Variants in ZNF276 observed in about 807,000 individuals in gnomAD.
The protein encoded by ZNF276 is zinc finger protein 276.
A neutral mutation model predicts 63.9 loss-of-function variants in ZNF276; 59 were observed. The observed-to-expected ratio is 0.92, with a 90% CI of 0.75 to 1.15. The LOEUF is 1.15. ZNF276 is among the 50% of genes most tolerant of loss of function. ZNF276 has a pLI of 0.00. For missense variants in ZNF276, 1,084 were observed against 843.8 expected (o/e 1.28, Z -3.53); for synonymous variants, 496 against 348.4 (o/e 1.42, Z -4.72).
At position 89,738,696 on chromosome 16, in the gene ZNF276, G is replaced by T; in HGVS notation, c.*450G>T. ...CTCACCTCTGGGTCGCAGTCCCCAC[G>T]ATCAGCCAGCAGCTGTGAGAGAGGA... On this transcript the variant is annotated 3_prime_UTR_variant, in exon 11 of 11. Coordinates refer to ENST00000443381, the MANE Select transcript of ZNF276 (RefSeq NM_001113525.2). The T allele has an allele frequency of 1.2e-6, 2 of 1,613,884 alleles. No homozygotes were observed. The highest frequency in any genetic ancestry group is 2.2e-5 in the East Asian group (1 of 44,878).
intron 9 of ZNF276, chr16:89,737,473 A>T: frequency 3.0e-6 from 1 of 328,226 alleles, no homozygotes; most frequent in South Asian, 4.1e-5. Flanking sequence ...GTGAGCTGAG[A>T]TCACGCCACC....
At position 89,738,535 on chromosome 16, in the gene ZNF276, C is replaced by G. The variant is rs1285336718; in HGVS notation, c.*289C>G. ...AATCCACTTTTTAGTGCAACAAGAG[C>G]TCCATGTTATGCTTGTAATAAATTA... On this transcript the variant is annotated 3_prime_UTR_variant, in exon 11 of 11. Transcript: ENST00000443381. 6.2e-7 allele frequency: 1 copy of G among 1,605,844 alleles called. No individual in the cohort carries two copies. The highest frequency in any genetic ancestry group is 2.2e-5 in the East Asian group (1 of 44,870).
intron 9 of ZNF276, among the ~76,000 whole-genome samples, chr16:89,736,979 G>A (rs1030664911): frequency 1.3e-5 from 2 of 152,128 alleles, no homozygotes; most frequent in Non-Finnish European, 2.9e-5. Context: ...GTCTTGTGAA[G>A]CGTTTCAGGG....
In ZNF276 at chr16:89,740,213, TA is replaced by T; in HGVS notation, c.*1971del. On this transcript the variant is annotated 3_prime_UTR_variant, in exon 11 of 11. Transcript: ENST00000443381. ...TTTCCTCTTTGCTTATTGTAAGTCT[TA>T]AAACTGGTGACAGTTTTACCTATAG... 1 of 891,160 alleles carries T rather than the reference TA, an allele frequency of 1.1e-6. No homozygotes were observed. The highest frequency in any genetic ancestry group is 3.2e-4 in the Middle Eastern group (1 of 3,086). The allele number at this position is 891,160 out of a possible 1,614,324, so 55.2% of individuals were successfully genotyped here. A position where few individuals can be genotyped will look rare whatever the true frequency, so the allele number is the denominator to read the frequency against.
At chr16:89,730,529 CAG>C (rs1324262997) in intron 6 of ZNF276, among the ~76,000 whole-genome samples, 1 of 152,190 alleles carries the variant, frequency 6.6e-6, no homozygotes, top group Non-Finnish European at 1.5e-5. Context: ...GCTGCTGTGA[CAG>C]GGACAGCACA....
Position 89,738,971 on chromosome 16 carries a change from T to G in ZNF276, c.*725T>G. 1 of 1,614,232 alleles carries G rather than the reference T, an allele frequency of 6.2e-7. No homozygotes were observed. Among genetic ancestry groups the G allele is most frequent in the Non-Finnish European group, 8.5e-7 (1 of 1,180,044 alleles). ...GCTTTTGTTATCAGTTCCACGGGGTTGCCCTAGAGAGAAAACAGGCAAACT... is the reference window on the plus strand; with the variant it reads ...GCTTTTGTTATCAGTTCCACGGGGTGGCCCTAGAGAGAAAACAGGCAAACT... On this transcript the variant is annotated 3_prime_UTR_variant, in exon 11 of 11. Coordinates refer to ENST00000443381, the MANE Select transcript of ZNF276 (RefSeq NM_001113525.2).
chr16:89,740,464 G>A lies in ZNF276; in HGVS notation c.*2218G>A, dbSNP rs1026713105. On this transcript the variant is annotated 3_prime_UTR_variant, in exon 11 of 11. Transcript: ENST00000443381. Reference sequence around the variant, plus strand: ...CAGCCTGGCAATATGGTGAAACCCCGTCTCTACTAAAAATACAAAAATTAG... The same window carrying A: ...CAGCCTGGCAATATGGTGAAACCCCATCTCTACTAAAAATACAAAAATTAG... 3.7e-5 allele frequency: 17 copies of A among 456,912 alleles called. No individual in the cohort carries two copies. Among genetic ancestry groups the A allele is most frequent in the Non-Finnish European group, 5.2e-5 (13 of 251,852 alleles). The allele number at this position is 456,912 out of a possible 1,614,324, so 28.3% of individuals were successfully genotyped here. A position where few individuals can be genotyped will look rare whatever the true frequency, so the allele number is the denominator to read the frequency against.
chr16:89,737,502 C>T (rs2061972484), intron 9 of ZNF276: 1 of 383,798 alleles, frequency 2.6e-6, no homozygotes, highest in Non-Finnish European at 4.7e-6. Flanking sequence ...GCCTGGGTAA[C>T]AGAGCGAAAC....
At position 89,738,970 on chromosome 16, in the gene ZNF276, T is replaced by C. The variant is rs1385967375; in HGVS notation, c.*724T>C. On this transcript the variant is annotated 3_prime_UTR_variant, in exon 11 of 11. Transcript: ENST00000443381. ...AGCTTTTGTTATCAGTTCCACGGGGTTGCCCTAGAGAGAAAACAGGCAAAC... is the reference window on the plus strand; with the variant it reads ...AGCTTTTGTTATCAGTTCCACGGGGCTGCCCTAGAGAGAAAACAGGCAAAC... 6.2e-7 allele frequency: 1 copy of C among 1,613,960 alleles called. No homozygotes were observed. The highest frequency in any genetic ancestry group is 1.3e-5 in the African/African-American group (1 of 74,900).
rs543497960 is a variant in ZNF276 at position 89,732,894 on chromosome 16, GCGCCCT to G, written c.1170-400_1170-395del. On this transcript the variant is annotated intron_variant, in intron 6 of 10. Transcript: ENST00000443381. Reference sequence around the variant, plus strand: ...ACCCTGCTGTACCCCGCTGTACCCTGCGCCCTCGCCCTCTGCTGTGTTCACCCCGAC... The same window carrying G: ...ACCCTGCTGTACCCCGCTGTACCCTGCGCCCTCTGCTGTGTTCACCCCGAC... The G allele has an allele frequency of 7.9e-4, 213 of 269,310 alleles. 5 individuals carry two copies. Among genetic ancestry groups the G allele is most frequent in the African/African-American group, 5.1e-3 (196 of 38,778 alleles). 16.7% of individuals were successfully genotyped at this position (269,310 alleles called of 1,614,324 possible).
intron 6 of ZNF276, 68 bp downstream of exon 6, chr16:89,729,386 G>A: frequency 7.1e-7 from 1 of 1,413,348 alleles, no homozygotes; most frequent in South Asian, 1.2e-5. Flanking sequence ...CTGTGCTCCA[G>A]GGCCTCTCCC....
In ZNF276 at chr16:89,739,651, C is replaced by T. The variant is rs1960775515; in HGVS notation, c.*1405C>T. On this transcript the variant is annotated 3_prime_UTR_variant, in exon 11 of 11. Coordinates refer to ENST00000443381, the MANE Select transcript of ZNF276 (RefSeq NM_001113525.2). Reference sequence around the variant, plus strand: ...GGGTCGGGACGTGTACCCTGGGAGGCCTGGCTGTGGGGATAGTGTGGGGCG... The same window carrying T: ...GGGTCGGGACGTGTACCCTGGGAGGTCTGGCTGTGGGGATAGTGTGGGGCG... 2.0e-6 allele frequency: 3 copies of T among 1,510,502 alleles called. No individual in the cohort carries two copies. The allele number at this position is 1,510,502 out of a possible 1,614,324, so 93.6% of individuals were successfully genotyped here.
rs953609342 is a variant in ZNF276, at chr16:89,729,591, C to T, written c.1169+273C>T. On this transcript the variant is annotated intron_variant, in intron 6 of 10. Coordinates refer to ENST00000443381, the MANE Select transcript of ZNF276 (RefSeq NM_001113525.2). ...AGTCCCAGCAGTGGATGGCAGGTGT[C>T]TCTGTCGACAGAACCCCGCCTTGCT... Among the ~76,000 whole-genome samples the T allele has an allele frequency of 2.6e-5, 4 of 152,198 alleles. No homozygotes were observed. The South Asian group carries it at 6.2e-4, about 24-fold the overall frequency.
At position 89,738,240 on chromosome 16, in the gene ZNF276, C is replaced by T; in HGVS notation, c.1839C>T (p.Pro613=). 1 of 1,600,742 alleles carries T rather than the reference C, an allele frequency of 6.2e-7. No homozygotes were observed. Among genetic ancestry groups the T allele is most frequent in the Non-Finnish European group, 8.5e-7 (1 of 1,174,354 alleles). Residue 613 remains proline, a synonymous_variant, in exon 11 of 11, where the codon CCC becomes CCT. Coordinates refer to ENST00000443381, the MANE Select transcript of ZNF276 (RefSeq NM_001113525.2). ...TTEGQAVKPE[P]T ...AGGGCCAGGCGGTGAAGCCCGAACC[C>T]ACCTGAGGACGGCAGTGAGGATGAG... is the stretch of plus-strand genomic sequence containing the variant.
Position 89,740,588 on chromosome 16 carries a change from A to G in ZNF276, c.*2342A>G, listed in dbSNP as rs545404940. On this transcript the variant is annotated 3_prime_UTR_variant, in exon 11 of 11. Transcript: ENST00000443381. ...GAGGCTGAGGTTGCAGTGAGCTGAG[A>G]TCACACCACTGCACTCCAGCCTGGG... is the stretch of plus-strand genomic sequence containing the variant. 1.6e-4 allele frequency: 93 copies of G among 580,696 alleles called. No homozygotes were observed. In the Admixed American group the frequency reaches 1.6e-3, roughly 10 times the overall value. 36.0% of individuals were successfully genotyped at this position (580,696 alleles called of 1,614,324 possible).
chr16:89,723,008 C>A, intron 2 of ZNF276, 129 bp from the exon 3 acceptor site: 2 of 1,591,400 alleles, frequency 1.3e-6, no homozygotes, highest in Non-Finnish European at 1.7e-6. Flanking sequence ...CTGGGAGGAG[C>A]TGGGGTGAGG....
intron 5 of ZNF276, among the ~76,000 whole-genome samples, chr16:89,728,520 C>T (rs902909292): frequency 7.2e-5 from 11 of 152,216 alleles, no homozygotes; most frequent in Admixed American, 4.6e-4. Flanking sequence ...TCTCCGGCCT[C>T]AGCCTCTGAG....
intron 6 of ZNF276, chr16:89,732,543 G>A (rs896748754): frequency 6.3e-6 from 1 of 158,716 alleles, no homozygotes; most frequent in African/African-American, 2.4e-5. Flanking sequence ...CTGCCGTCCT[G>A]ATACCTCTAG....
At chr16:89,734,685 C>T (rs994156284) in intron 9 of ZNF276, among the ~76,000 whole-genome samples, 2 of 152,134 alleles carry the variant, frequency 1.3e-5, no homozygotes, top group African/African-American at 4.8e-5. Flanking sequence ...GAGCTGCCCA[C>T]GTGGACAGGC....
Sources: allele counts gnomAD v4.1 joint callset (sites outside exome capture counted in the v4.1 genomes callset), GRCh38; gene constraint gnomAD v4.1.1; transcripts MANE v1.5; gene names NCBI Gene and HGNC (gene_info 2026-07-23, HGNC 2026-07-21).